The following NAMPT variants were observed in gnomAD, a reference collection of about 807,000 sequenced individuals.
NAMPT encodes the protein NAmPRTase.
A neutral mutation model predicts 58.7 loss-of-function variants in NAMPT; 7 were observed. That is an observed-to-expected ratio of 0.12 (90% CI 0.07 to 0.22). NAMPT has a LOEUF of 0.22. Ranked by LOEUF, NAMPT falls within the 10% of genes least tolerant of loss-of-function variation. The probability of loss-of-function intolerance (pLI) is 1.00; values close to 1 mark genes in which losing one functional copy is unlikely to be tolerated. For missense variants in NAMPT, 271 were observed against 567.9 expected, an observed-to-expected ratio of 0.48 and a Z score of 5.31; for synonymous variants, 145 against 198.1, an observed-to-expected ratio of 0.73 and a Z score of 2.25.
intron 6 of NAMPT, among the ~76,000 whole-genome samples, chr7:106,267,148 A>T (rs982439974): frequency 6.6e-6 from 1 of 152,228 alleles, no homozygotes; most frequent in Non-Finnish European, 1.5e-5. Flanking sequence ...AAGATTTTGT[A>T]TATTTCTATA....
intron 4 of NAMPT, among the ~76,000 whole-genome samples, chr7:106,270,562 T>C (rs1373113826): frequency 6.6e-6 from 1 of 152,226 alleles, no homozygotes. Context: ...GAGTCTGTGC[T>C]GTCCTTATGA....
intron 2 of NAMPT, chr7:106,276,729 C>A (rs1792652803): frequency 3.4e-6 from 1 of 296,178 alleles, no homozygotes; most frequent in African/African-American, 2.2e-5. Context: ...GTAATCCCAT[C>A]TACTCGGGAG....
At chr7:106,257,240 C>G (rs1319050388) in intron 8 of NAMPT, among the ~76,000 whole-genome samples, 1 of 151,960 alleles carries the variant, frequency 6.6e-6, no homozygotes, top group Admixed American at 6.6e-5. Context: ...TTAAGTTTCA[C>G]TAATGCCAAA....
intron 8 of NAMPT, among the ~76,000 whole-genome samples, chr7:106,260,718 T>C (rs567752583): frequency 1.7e-4 from 26 of 152,354 alleles, no homozygotes; most frequent in African/African-American, 6.3e-4. Flanking sequence ...CAGAGGCCAC[T>C]GTGGGGTTAT....
At chr7:106,269,974 T>A (rs1231521149) in intron 4 of NAMPT, among the ~76,000 whole-genome samples, 1 of 152,262 alleles carries the variant, frequency 6.6e-6, no homozygotes, top group African/African-American at 2.4e-5. Flanking sequence ...TATATAAGTA[T>A]TTGATAAAAT....
At chr7:106,278,427 G>A (rs528064635) in intron 1 of NAMPT, among the ~76,000 whole-genome samples, 3 of 152,168 alleles carry the variant, frequency 2.0e-5, no homozygotes, top group South Asian at 2.1e-4. Context: ...ACTTGGAGCT[G>A]TTTTCCTTAA....
rs2115821168 is a variant in NAMPT at position 106,277,193 on chromosome 7, T to C, written c.58-14A>G. 6.3e-7 allele frequency: 1 copy of C among 1,599,860 alleles called. No individual in the cohort carries two copies. Among genetic ancestry groups the C allele is most frequent in the Non-Finnish European group, 8.5e-7 (1 of 1,170,626 alleles). On this transcript the variant is annotated splice_polypyrimidine_tract_variant and intron_variant, in intron 1 of 10. Transcript: ENST00000222553. ...ATAGTGAGTAACCTATGTAAAGAAA[T>C]ACACTTCTGTTAGAAAACACCGATG...
intron 8 of NAMPT, among the ~76,000 whole-genome samples, chr7:106,257,616 T>C (rs139837710): frequency 7.0e-6 from 1 of 142,874 alleles, no homozygotes; most frequent in Non-Finnish European, 1.6e-5. Flanking sequence ...GGTGACAGAC[T>C]GAGTCCCTGT....
At chr7:106,272,071 C>A in intron 4 of NAMPT, 1 of 370,992 alleles carries the variant, frequency 2.7e-6, no homozygotes, top group South Asian at 2.1e-5. Flanking sequence ...AGATGAGAAA[C>A]TGAAAAGTAA....
chr7:106,275,824 C>A (rs1056758049), intron 2 of NAMPT: 1 of 152,112 alleles, frequency 6.6e-6, no homozygotes, highest in Non-Finnish European at 1.5e-5. Flanking sequence ...CGCTTGAGAG[C>A]TCAAAAGTTT....
At chr7:106,280,729 C>G (rs997360473) in intron 1 of NAMPT, among the ~76,000 whole-genome samples, 1 of 151,992 alleles carries the variant, frequency 6.6e-6, no homozygotes, top group East Asian at 1.9e-4. Flanking sequence ...ATCACGAGGT[C>G]GGGAGATGGA....
chr7:106,268,672 A>C lies in NAMPT; in HGVS notation c.607-72T>G, dbSNP rs982235145. The C allele has an allele frequency of 6.5e-6, 7 of 1,077,684 alleles. No individual in the cohort carries two copies. In the African/African-American group the frequency reaches 9.3e-5, roughly 14 times the overall value. 66.8% of individuals were successfully genotyped at this position (1,077,684 alleles called of 1,614,324 possible). A position where few individuals can be genotyped will look rare whatever the true frequency, so the allele number is the denominator to read the frequency against. On this transcript the variant is annotated intron_variant, in intron 5 of 10. Transcript: ENST00000222553. ...CATTAATAATACCAGGATGCAGCCA[A>C]CCACATTTAAGGAATATAGCATAGC...
chr7:106,272,003 C>A, intron 4 of NAMPT: 2 of 264,018 alleles, frequency 7.6e-6, no homozygotes, highest in Non-Finnish European at 1.6e-5. Context: ...AACCCAAAGC[C>A]CAAAATGTAC....
At chr7:106,262,365 TTC>T (rs1195835511) in intron 7 of NAMPT, among the ~76,000 whole-genome samples, 2 of 152,010 alleles carry the variant, frequency 1.3e-5, no homozygotes, top group African/African-American at 2.4e-5. Context: ...CAACAATCAT[TTC>T]TTTTTCCTAA....
chr7:106,277,257 TTTCAAAACCAGAGAAACTATA>T, intron 1 of NAMPT, 78 bp from the exon 2 acceptor site: 1 of 1,203,094 alleles, frequency 8.3e-7, no homozygotes, highest in African/African-American at 1.5e-5. Flanking sequence ...CTTGAAGTTA[TTTCAAAACCAGAGAAACTATA>T]TTTCTTGTTT....
At chr7:106,271,391 T>G (rs578239960) in intron 4 of NAMPT, among the ~76,000 whole-genome samples, 1 of 152,316 alleles carries the variant, frequency 6.6e-6, no homozygotes, top group African/African-American at 2.4e-5. Flanking sequence ...CAGCACTAAT[T>G]CTTAATGATA....
intron 4 of NAMPT, 152 bp downstream of exon 4, chr7:106,272,378 G>T (rs1792553206): frequency 1.6e-6 from 1 of 607,042 alleles, no homozygotes; most frequent in Non-Finnish European, 2.7e-6. Flanking sequence ...TATTTAGTCT[G>T]TCATTTTATA....
chr7:106,275,269 G>A (rs1562818310), intron 2 of NAMPT: 5 of 317,458 alleles, frequency 1.6e-5, no homozygotes, highest in Non-Finnish European at 2.3e-5. Context: ...AAAAGCAGAT[G>A]TGTAATAGAA....
At chr7:106,275,322 A>AT (rs542706152) in intron 2 of NAMPT, 192 of 216,684 alleles carry the variant, frequency 8.9e-4, no homozygotes, top group Non-Finnish European at 1.5e-3. Context: ...TATTAACTTA[A>AT]TTTTTTTCTC....
Sources: allele counts gnomAD v4.1 joint callset (sites outside exome capture counted in the v4.1 genomes callset), GRCh38; gene constraint gnomAD v4.1.1; transcripts MANE v1.5; gene names NCBI Gene and HGNC (gene_info 2026-07-23, HGNC 2026-07-21).